ETV6: variants seen among roughly 807,000 people sequenced by gnomAD.
ETV6 encodes the protein ETS variant transcription factor 6, also known as transcription factor ETV6.
A neutral mutation model predicts 51.1 loss-of-function variants in ETV6; 16 were observed. The ratio of observed to expected loss-of-function variants is 0.31; its 90% CI spans 0.21 to 0.48. ETV6 has a LOEUF of 0.48. Among genes scored for constraint, ETV6 ranks in the 20% least tolerant of loss-of-function variants. The probability of loss-of-function intolerance (pLI) is 0.99; values close to 1 mark genes in which losing one functional copy is unlikely to be tolerated. For missense variants in ETV6, 458 were observed against 594.8 expected, an observed-to-expected ratio of 0.77 and a Z score of 2.39; for synonymous variants, 240 against 224.1, an observed-to-expected ratio of 1.07 and a Z score of -0.64.
chr12:11,854,504 TAGAG>T (rs1308624526), intron 4 of ETV6, among the ~76,000 whole-genome samples: 1 of 152,152 alleles, frequency 6.6e-6, no homozygotes, highest in South Asian at 2.1e-4. Context: ...GGCTTTGAAA[TAGAG>T]AGCAATTAGA....
intron 1 of ETV6, among the ~76,000 whole-genome samples, chr12:11,696,523 A>G (rs1170342011): frequency 2.0e-5 from 3 of 152,202 alleles, no homozygotes; most frequent in African/African-American, 7.2e-5. Context: ...TAAATGCTCA[A>G]TAAATAGGTT....
In ETV6 at chr12:11,849,634, G is replaced by C. The variant is rs1946517670; in HGVS notation, c.329-3793G>C. 2.0e-5 allele frequency among the ~76,000 whole-genome samples: 3 copies of C among 152,204 alleles called. No homozygotes were observed. In the South Asian group the frequency reaches 6.2e-4, roughly 31 times the overall value. On this transcript the variant is annotated intron_variant, in intron 3 of 7. Coordinates refer to ENST00000396373, the MANE Select transcript of ETV6 (RefSeq NM_001987.5). ...TAAGAACCAAAGTACAGGGATTGCA[G>C]GGGAAGCCAGATTCCACCTCAGCAG...
intron 2 of ETV6, among the ~76,000 whole-genome samples, chr12:11,834,036 G>A (rs749768250): frequency 2.0e-5 from 3 of 152,216 alleles, no homozygotes; most frequent in South Asian, 2.1e-4. Context: ...CTACTGCTGC[G>A]TTTAGGAATT....
At position 11,814,026 on chromosome 12, in the gene ETV6, A is replaced by C. The variant is rs183836280; in HGVS notation, c.164-25114A>C. On this transcript the variant is annotated intron_variant, in intron 2 of 7. Coordinates refer to ENST00000396373, the MANE Select transcript of ETV6 (RefSeq NM_001987.5). ...GGAAAAGTGCATTGATTCTTTTAAC[A>C]TCATAATTCCAGTTACGGTAAAACC... is the stretch of plus-strand genomic sequence containing the variant. Among the ~76,000 whole-genome samples the C allele has an allele frequency of 1.1e-4, 16 of 152,344 alleles. No individual in the cohort carries two copies. In the East Asian group the frequency reaches 3.1e-3, roughly 29 times the overall value.
chr12:11,877,448 G>A (rs1285891588), intron 5 of ETV6, among the ~76,000 whole-genome samples: 1 of 152,234 alleles, frequency 6.6e-6, no homozygotes, highest in Non-Finnish European at 1.5e-5. Context: ...GGTGTGGGGT[G>A]TGCAGACACA....
At chr12:11,702,026 C>T (rs186597558) in intron 1 of ETV6, among the ~76,000 whole-genome samples, 30 of 152,174 alleles carry the variant, frequency 2.0e-4, no homozygotes, top group African/African-American at 7.0e-4. Flanking sequence ...GAATGCCATG[C>T]TAAGGATTGG....
intron 1 of ETV6, among the ~76,000 whole-genome samples, chr12:11,662,419 G>A (rs1399687098): frequency 6.6e-6 from 1 of 152,194 alleles, no homozygotes; most frequent in Non-Finnish European, 1.5e-5. Context: ...GAATTTCTCT[G>A]TCTTGAAAAA....
intron 1 of ETV6, among the ~76,000 whole-genome samples, chr12:11,736,118 A>T (rs901762377): frequency 6.6e-5 from 10 of 152,226 alleles, no homozygotes; most frequent in Admixed American, 1.3e-4. Context: ...TCCTTAAAGA[A>T]GATAGAGATT....
intron 1 of ETV6, among the ~76,000 whole-genome samples, chr12:11,738,723 T>C (rs1190465695): frequency 7.2e-5 from 11 of 152,196 alleles, no homozygotes. Context: ...TTTCACTTTG[T>C]AAAGAACTTC....
intron 2 of ETV6, among the ~76,000 whole-genome samples, chr12:11,753,868 A>G (rs1267277148): frequency 6.6e-6 from 1 of 152,228 alleles, no homozygotes; most frequent in Non-Finnish European, 1.5e-5. Flanking sequence ...TACTATGGTC[A>G]AGACATTTCT....
At chr12:11,765,843 A>G (rs1326222701) in intron 2 of ETV6, among the ~76,000 whole-genome samples, 1 of 152,218 alleles carries the variant, frequency 6.6e-6, no homozygotes, top group Non-Finnish European at 1.5e-5. Flanking sequence ...CCTTTCTGCC[A>G]GAAGTCTCAA....
chr12:11,734,961 C>A (rs533117265), intron 1 of ETV6, among the ~76,000 whole-genome samples: 1 of 152,038 alleles, frequency 6.6e-6, no homozygotes, highest in Non-Finnish European at 1.5e-5. Flanking sequence ...TGAAACCTTT[C>A]GTCTCTAAAG....
intron 2 of ETV6, among the ~76,000 whole-genome samples, chr12:11,807,955 CG>C (rs1183008214): frequency 6.6e-6 from 1 of 152,092 alleles, no homozygotes; most frequent in Non-Finnish European, 1.5e-5. Flanking sequence ...TAGGAGCATA[CG>C]TTTTTGTCTT....
At chr12:11,861,947 A>G (rs761298334) in intron 4 of ETV6, among the ~76,000 whole-genome samples, 2 of 152,088 alleles carry the variant, frequency 1.3e-5, no homozygotes, top group Non-Finnish European at 2.9e-5. Flanking sequence ...AGACTCCCCT[A>G]TACTGCCTGT....
chr12:11,668,482 G>A (rs1010730983), intron 1 of ETV6, among the ~76,000 whole-genome samples: 1 of 151,938 alleles, frequency 6.6e-6, no homozygotes, highest in African/African-American at 2.4e-5. Context: ...ATCGAAAAGA[G>A]TATCATGTGA....
chr12:11,707,583 C>T (rs914022881), intron 1 of ETV6, among the ~76,000 whole-genome samples: 5 of 152,198 alleles, frequency 3.3e-5, no homozygotes, highest in African/African-American at 1.2e-4. Context: ...GCTTTAGCCA[C>T]TGATGATTTT....
intron 2 of ETV6, among the ~76,000 whole-genome samples, chr12:11,815,736 G>A (rs889852091): frequency 6.6e-5 from 10 of 152,240 alleles, no homozygotes; most frequent in Non-Finnish European, 1.0e-4. Flanking sequence ...AGAGCTTGAT[G>A]TGTGTGATGA....
At chr12:11,861,840 T>C (rs73066159) in intron 4 of ETV6, among the ~76,000 whole-genome samples, 6,220 of 152,308 alleles carry the variant, frequency 0.041, 174 homozygotes, top group Non-Finnish European at 0.061. Context: ...TATACATGAT[T>C]GAGAGGATTA....
At chr12:11,751,824 C>T (rs767585038) in intron 1 of ETV6, 1 of 507,510 alleles carries the variant, frequency 2.0e-6, no homozygotes, top group South Asian at 1.4e-5. Context: ...ATTATTGTTG[C>T]AGATAATTCC....
Sources: allele counts gnomAD v4.1 joint callset (sites outside exome capture counted in the v4.1 genomes callset), GRCh38; gene constraint gnomAD v4.1.1; transcripts MANE v1.5; gene names NCBI Gene and HGNC (gene_info 2026-07-23, HGNC 2026-07-21).